The following RSU1 variants were observed in gnomAD, a reference collection of about 807,000 sequenced individuals.
The protein encoded by RSU1 is rsu-1.
RSU1 carries 26 observed loss-of-function variants against 31.1 expected under a neutral mutation model. The observed-to-expected ratio is 0.84, with a 90% CI of 0.61 to 1.16. The LOEUF (loss-of-function observed/expected upper bound fraction) is 1.16, where lower values mean the gene tolerates loss of function less well. RSU1 is among the 50% of genes most tolerant of loss of function. The pLI is 0.00. For synonymous variants in RSU1, 164 were observed against 136.3 expected (o/e 1.20, Z -1.41); for missense variants, 320 against 339.1 (o/e 0.94, Z 0.44).
chr10:16,683,263 G>A (rs1835370829), intron 8 of RSU1, among the ~76,000 whole-genome samples: 2 of 151,586 alleles, frequency 1.3e-5, no homozygotes, highest in South Asian at 4.2e-4. Context: ...TCCCTGTGAA[G>A]GTGTAGAGGC....
At chr10:16,712,024 A>G (rs1836030977) in intron 7 of RSU1, among the ~76,000 whole-genome samples, 1 of 152,166 alleles carries the variant, frequency 6.6e-6, no homozygotes, top group African/African-American at 2.4e-5. Flanking sequence ...TTCAGGGTTG[A>G]GTGCATATGT....
chr10:16,635,248 T>G (rs192471711), intron 8 of RSU1, among the ~76,000 whole-genome samples: 17 of 152,344 alleles, frequency 1.1e-4, no homozygotes, highest in African/African-American at 3.8e-4. Context: ...AACTTCAATT[T>G]TCTTGAGTTA....
intron 8 of RSU1, among the ~76,000 whole-genome samples, chr10:16,676,716 G>A (rs1835239360): frequency 6.6e-6 from 1 of 152,206 alleles, no homozygotes; most frequent in Admixed American, 6.5e-5. Context: ...AAAAGGTTCA[G>A]ATATGGTGCC....
At chr10:16,665,802 T>G (rs986764360) in intron 8 of RSU1, among the ~76,000 whole-genome samples, 2 of 152,148 alleles carry the variant, frequency 1.3e-5, no homozygotes, top group African/African-American at 2.4e-5. Context: ...ATCCTAAAAT[T>G]TAGACAAATT....
intron 7 of RSU1, among the ~76,000 whole-genome samples, chr10:16,711,784 A>C (rs1410606765): frequency 1.3e-5 from 2 of 152,154 alleles, no homozygotes. Context: ...ATCTGTTAAG[A>C]TTTGTTTTGT....
At chr10:16,598,281 G>A (rs1193953572) in intron 8 of RSU1, among the ~76,000 whole-genome samples, 1 of 152,180 alleles carries the variant, frequency 6.6e-6, no homozygotes, top group African/African-American at 2.4e-5. Context: ...GTACACATCT[G>A]TAATCCCAGC....
rs67816326 is a variant in RSU1, at chr10:16,697,987, C to CTTTTTTT, written c.599-2839_599-2833dup. 1.6e-3 allele frequency among the ~76,000 whole-genome samples: 160 copies of CTTTTTTT among 99,570 alleles called. 8 individuals are homozygous for CTTTTTTT. Among genetic ancestry groups the CTTTTTTT allele is most frequent in the African/African-American group, 7.7e-3 (156 of 20,268 alleles). 65.3% of individuals were successfully genotyped at this position (99,570 alleles called of 152,430 possible). A position where few individuals can be genotyped will look rare whatever the true frequency, so the allele number is the denominator to read the frequency against. On this transcript the variant is annotated intron_variant, in intron 7 of 8. Coordinates refer to ENST00000345264, the MANE Select transcript of RSU1 (RefSeq NM_012425.4). ...CAGAGGGGTGATTGCAGGAACACAC[C>CTTTTTTT]TTTTTTTTTTTTTTTTTTTTTTTTT...
intron 7 of RSU1, among the ~76,000 whole-genome samples, chr10:16,747,609 C>G (rs1836880833): frequency 6.6e-6 from 1 of 152,230 alleles, no homozygotes; most frequent in Non-Finnish European, 1.5e-5. Flanking sequence ...CCAGTACCAT[C>G]TGGATGAAGC....
At chr10:16,758,397 A>C (rs1044478535) in intron 4 of RSU1, among the ~76,000 whole-genome samples, 2 of 152,162 alleles carry the variant, frequency 1.3e-5, no homozygotes, top group Non-Finnish European at 2.9e-5. Flanking sequence ...ACATTTTGAC[A>C]CATAGGAATT....
intron 8 of RSU1, among the ~76,000 whole-genome samples, chr10:16,656,659 A>G (rs1834785856): frequency 6.6e-6 from 1 of 152,242 alleles, no homozygotes; most frequent in South Asian, 2.1e-4. Context: ...CATATGCACA[A>G]TCATGTATGG....
At chr10:16,662,527 A>G (rs991246672) in intron 8 of RSU1, among the ~76,000 whole-genome samples, 50 of 152,156 alleles carry the variant, frequency 3.3e-4, no homozygotes, top group Non-Finnish European at 3.8e-4. Context: ...CCTTATAAAC[A>G]TATTGTAGCC....
intron 7 of RSU1, among the ~76,000 whole-genome samples, chr10:16,745,606 A>C (rs1204698609): frequency 6.6e-6 from 1 of 150,912 alleles, no homozygotes; most frequent in Non-Finnish European, 1.5e-5. Context: ...AGACCCATTC[A>C]GTATCACAAG....
chr10:16,667,902 G>A (rs1835028187), intron 8 of RSU1, among the ~76,000 whole-genome samples: 2 of 152,118 alleles, frequency 1.3e-5, no homozygotes, highest in South Asian at 4.1e-4. Flanking sequence ...TACGTAATCT[G>A]AGCCTAAAAG....
chr10:16,655,738 G>A (rs1367171933), intron 8 of RSU1, among the ~76,000 whole-genome samples: 1 of 152,134 alleles, frequency 6.6e-6, no homozygotes, highest in Admixed American at 6.6e-5. Context: ...AACAGTAGGT[G>A]TTTACTTTGT....
At chr10:16,714,604 G>C (rs572773913) in intron 7 of RSU1, among the ~76,000 whole-genome samples, 1 of 152,078 alleles carries the variant, frequency 6.6e-6, no homozygotes, top group African/African-American at 2.4e-5. Context: ...GTTCCCTGGG[G>C]GGTGGGGGGA....
intron 7 of RSU1, among the ~76,000 whole-genome samples, chr10:16,741,164 G>A (rs1056384350): frequency 6.6e-6 from 1 of 152,184 alleles, no homozygotes; most frequent in Non-Finnish European, 1.5e-5. Context: ...CTATATATCT[G>A]CTGTCAATTG....
intron 8 of RSU1, among the ~76,000 whole-genome samples, chr10:16,677,898 A>G (rs1483031594): frequency 6.6e-6 from 1 of 152,202 alleles, no homozygotes; most frequent in Non-Finnish European, 1.5e-5. Flanking sequence ...TTGGGAATGC[A>G]CAAGAACAGA....
At chr10:16,596,996 G>T (rs1018616727) in intron 8 of RSU1, among the ~76,000 whole-genome samples, 4 of 152,242 alleles carry the variant, frequency 2.6e-5, no homozygotes, top group African/African-American at 4.8e-5. Flanking sequence ...GATTACAGGC[G>T]TGAGCCACGC....
At position 16,706,630 on chromosome 10, in the gene RSU1, G is replaced by T. The variant is rs572396922; in HGVS notation, c.599-11475C>A. Among the ~76,000 whole-genome samples the T allele has an allele frequency of 6.6e-5, 10 of 151,932 alleles. No individual in the cohort carries two copies. In the East Asian group the frequency reaches 1.7e-3, roughly 26 times the overall value. On this transcript the variant is annotated intron_variant, in intron 7 of 8. Transcript: ENST00000345264. ...ACAGTGGAATTATACATACTTATGGGGGTACAATTTGATGTTTTGATACCT... is the reference window on the plus strand; with the variant it reads ...ACAGTGGAATTATACATACTTATGGTGGTACAATTTGATGTTTTGATACCT...
Sources: allele counts gnomAD v4.1 joint callset (sites outside exome capture counted in the v4.1 genomes callset), GRCh38; gene constraint gnomAD v4.1.1; transcripts MANE v1.5; gene names NCBI Gene and HGNC (gene_info 2026-07-23, HGNC 2026-07-21).